Variants in GPR31 observed in about 807,000 individuals in gnomAD.
GPR31 encodes G protein-coupled receptor 31, also known as 12-(S)-hydroxy-5,8,10,14-eicosatetraenoic acid receptor.
For missense variants in GPR31, 394 were observed against 400.5 expected, an observed-to-expected ratio of 0.98 and a Z score of 0.14; for synonymous variants, 209 against 183.8, an observed-to-expected ratio of 1.14 and a Z score of -1.11.
In GPR31 at chr6:167,157,158, G is replaced by C. The variant is rs1222077405; in HGVS notation, c.674C>G (p.Thr225Ser). The change falls in exon 1 of 1, where the codon ACC (threonine) becomes AGC (serine). Residue 225 changes from threonine (T) to serine (S), a missense_variant. Thr to Ser is a moderately conservative substitution (Grantham distance 58, BLOSUM62 1). Transcript: ENST00000366834. Reference protein sequence around the residue: ...PKLQRAQALVTLVVVLFALCF... With the variant: ...PKLQRAQALVSLVVVLFALCF... Reference sequence around the variant, plus strand: ...CAGAGCAAACAGCACCACCACCAAGGTGACCAGTGCCTGGGCCCGCTGAAG... The same window carrying C: ...CAGAGCAAACAGCACCACCACCAAGCTGACCAGTGCCTGGGCCCGCTGAAG... The C allele has an allele frequency of 6.2e-7, 1 of 1,614,126 alleles. No individual in the cohort carries two copies. The highest frequency in any genetic ancestry group is 1.3e-5 in the African/African-American group (1 of 74,932).
chr6:167,156,687 CAG>C lies in GPR31; in HGVS notation c.*183_*184del. 1 of 602,898 alleles carries C rather than the reference CAG, an allele frequency of 1.7e-6. No homozygotes were observed. The highest frequency in any genetic ancestry group is 2.8e-6 in the Non-Finnish European group (1 of 361,876). The allele number at this position is 602,898 out of a possible 1,614,324, so 37.3% of individuals were successfully genotyped here. Reference sequence around the variant, plus strand: ...TTTGCCACTCTACAAGGTAAAATCACAGAGGACCACCCTGGTCAACAAAGTAT... The same window carrying C: ...TTTGCCACTCTACAAGGTAAAATCACAGGACCACCCTGGTCAACAAAGTAT... On this transcript the variant is annotated 3_prime_UTR_variant, in exon 1 of 1. Coordinates refer to ENST00000366834, the MANE Select transcript of GPR31 (RefSeq NM_005299.3). The surrounding 1 kb of genome is among the most constrained non-coding windows in gnomAD (Gnocchi z 4.5).
In GPR31 at chr6:167,156,969, G is replaced by A; in HGVS notation, c.863C>T (p.Thr288Ile). ...GACCCTCCGATAGGAGCTCCTGAAG[G>A]TGGGGCTGGAGAAGCAGTATACCAC... ...NPVVYCFSSP[T>I]FRSSYRRVFH... The change falls in exon 1 of 1, where the codon ACC (threonine) becomes ATC (isoleucine). Residue 288 changes from threonine (T) to isoleucine (I), a missense_variant. Thr to Ile is a moderately conservative substitution (Grantham distance 89). Coordinates refer to ENST00000366834, the MANE Select transcript of GPR31 (RefSeq NM_005299.3). The surrounding 1 kb of genome is among the most constrained non-coding windows in gnomAD (Gnocchi z 4.5). The A allele has an allele frequency of 6.2e-7, 1 of 1,614,188 alleles. No individual in the cohort carries two copies. Among genetic ancestry groups the A allele is most frequent in the Non-Finnish European group, 8.5e-7 (1 of 1,180,028 alleles).
chr6:167,157,442 C>T lies in GPR31; in HGVS notation c.390G>A (p.Ala130=), dbSNP rs746527629. The part of the protein sequence containing the change: ...RLKVNLLSPQ[A]ALGVSGLVWL... Reference sequence around the variant, plus strand: ...AGACGAGGCCCGAGACCCCCAGGGCCGCCTGAGGAGACAGCAGGTTGACCT... The same window carrying T: ...AGACGAGGCCCGAGACCCCCAGGGCTGCCTGAGGAGACAGCAGGTTGACCT... The change falls in exon 1 of 1, where the codon GCG becomes GCA. Residue 130 remains alanine (A), a synonymous_variant. Transcript: ENST00000366834. 23 of 1,613,388 alleles carry T rather than the reference C, an allele frequency of 1.4e-5. No homozygotes were observed. The East Asian group carries it at 1.6e-4, about 11-fold the overall frequency.
chr6:167,157,875 G>A lies in GPR31; in HGVS notation c.-44C>T. 6 of 1,548,174 alleles carry A rather than the reference G, an allele frequency of 3.9e-6. No homozygotes were observed. Among genetic ancestry groups the A allele is most frequent in the Non-Finnish European group, 5.2e-6 (6 of 1,147,992 alleles). On this transcript the variant is annotated 5_prime_UTR_variant, in exon 1 of 1. Transcript: ENST00000366834. Reference sequence around the variant, plus strand: ...TGCAGGCACAGCTGGAGCAGGTACAGGAGGAACTCTGTGCTCTTTCTTACA... The same window carrying A: ...TGCAGGCACAGCTGGAGCAGGTACAAGAGGAACTCTGTGCTCTTTCTTACA...
Position 167,156,119 on chromosome 6 carries a change from T to TC in GPR31, c.*752dup, listed in dbSNP as rs1457356756. 6.6e-6 allele frequency among the ~76,000 whole-genome samples: 1 copy of TC among 152,208 alleles called. No individual in the cohort carries two copies. Among genetic ancestry groups the TC allele is most frequent in the Non-Finnish European group, 1.5e-5 (1 of 68,038 alleles). On this transcript the variant is annotated 3_prime_UTR_variant, in exon 1 of 1. Coordinates refer to ENST00000366834, the MANE Select transcript of GPR31 (RefSeq NM_005299.3). This position sits in a 1 kb window ranked among gnomAD's most constrained non-coding sequence, Gnocchi z 4.5. ...GGCATAAAGTTCTGTGACCTTTTTT[T>TC]CACATCGGGGGAAGCAAAGTACATT... is the stretch of plus-strand genomic sequence containing the variant.
At position 167,156,651 on chromosome 6, in the gene GPR31, G is replaced by T; in HGVS notation, c.*221C>A. ...GTTGGGTAGGAGGAGGTTCTAGCTT[G>T]TTCATTTTGATTTGCCACTCTACAA... On this transcript the variant is annotated 3_prime_UTR_variant, in exon 1 of 1. Coordinates refer to ENST00000366834, the MANE Select transcript of GPR31 (RefSeq NM_005299.3). The surrounding 1 kb of genome is among the most constrained non-coding windows in gnomAD (Gnocchi z 4.5). 2 of 476,476 alleles carry T rather than the reference G, an allele frequency of 4.2e-6. No homozygotes were observed. Among genetic ancestry groups the T allele is most frequent in the Non-Finnish European group, 7.3e-6 (2 of 273,752 alleles). The allele number at this position is 476,476 out of a possible 1,614,324, so 29.5% of individuals were successfully genotyped here.
At position 167,156,764 on chromosome 6, in the gene GPR31, A is replaced by G; in HGVS notation, c.*108T>C. 1 of 1,211,336 alleles carries G rather than the reference A, an allele frequency of 8.3e-7. No individual in the cohort carries two copies. The highest frequency in any genetic ancestry group is 1.5e-5 in the South Asian group (1 of 67,414). 75.0% of individuals were successfully genotyped at this position (1,211,336 alleles called of 1,614,324 possible). On this transcript the variant is annotated 3_prime_UTR_variant, in exon 1 of 1. Coordinates refer to ENST00000366834, the MANE Select transcript of GPR31 (RefSeq NM_005299.3). The surrounding 1 kb of genome is among the most constrained non-coding windows in gnomAD (Gnocchi z 4.5). ...CCCATGTTTATGCTCTGATCCTTGT[A>G]TTGCAGTCTTAAGACTTCTTCTTCT...
At position 167,157,183 on chromosome 6, in the gene GPR31, G is replaced by T; in HGVS notation, c.649C>A (p.Leu217Ile). ...GTGACCAGTGCCTGGGCCCGCTGAA[G>T]CTTGGGCTGTTTCTCAGGCTCCCGG... ...RLREPEKQPK[L>I]QRAQALVTLV... Residue 217 changes from leucine (L) to isoleucine (I), a missense_variant, in exon 1 of 1, where the codon CTT (leucine) becomes ATT (isoleucine). Coordinates refer to ENST00000366834, the MANE Select transcript of GPR31 (RefSeq NM_005299.3). The T allele has an allele frequency of 6.2e-7, 1 of 1,614,244 alleles. No individual in the cohort carries two copies. The highest frequency in any genetic ancestry group is 8.5e-7 in the Non-Finnish European group (1 of 1,180,034).
At position 167,157,269 on chromosome 6, in the gene GPR31, A is replaced by G. The variant is rs1365080053; in HGVS notation, c.563T>C (p.Leu188Pro). Residue 188 changes from leucine to proline, a missense_variant, in exon 1 of 1, where the codon CTC becomes CCC. By Grantham distance (98) the Leu-to-Pro change is moderately conservative (BLOSUM62 -3). Coordinates refer to ENST00000366834, the MANE Select transcript of GPR31 (RefSeq NM_005299.3). ...QEALSCLQFVLPFGLIVFCNA... is the reference protein window; with the variant it reads ...QEALSCLQFVPPFGLIVFCNA... Reference sequence around the variant, plus strand: ...GCAGAACACGATGAGGCCAAAGGGGAGGACAAACTGAAGGCAGGAGAGTGC... The same window carrying G: ...GCAGAACACGATGAGGCCAAAGGGGGGGACAAACTGAAGGCAGGAGAGTGC... The G allele has an allele frequency of 5.0e-6, 8 of 1,614,038 alleles. No individual in the cohort carries two copies. The highest frequency in any genetic ancestry group is 6.8e-6 in the Non-Finnish European group (8 of 1,180,030).
Position 167,157,229 on chromosome 6 carries a change from G to C in GPR31, c.603C>G (p.Ile201Met). Reference sequence around the variant, plus strand: ...CCCGGAGTCTTTTCTGGAGAGCCCTGATGATGCCTGCATTGCAGAACACGA... The same window carrying C: ...CCCGGAGTCTTTTCTGGAGAGCCCTCATGATGCCTGCATTGCAGAACACGA... ...GLIVFCNAGIIRALQKRLREP... is the reference protein window; with the variant it reads ...GLIVFCNAGIMRALQKRLREP... Residue 201 changes from isoleucine (I) to methionine (M), a missense_variant, in exon 1 of 1, where the codon ATC becomes ATG. Coordinates refer to ENST00000366834, the MANE Select transcript of GPR31 (RefSeq NM_005299.3). The C allele has an allele frequency of 5.0e-6, 8 of 1,614,224 alleles. No individual in the cohort carries two copies. In the South Asian group the frequency reaches 8.8e-5, roughly 18 times the overall value.
rs372266197 is a variant in GPR31, at chr6:167,157,106, T to G, written c.726A>C (p.Arg242Ser). 1.3e-4 allele frequency: 204 copies of G among 1,614,060 alleles called. No homozygotes were observed. Among genetic ancestry groups the G allele is most frequent in the Non-Finnish European group, 1.7e-4 (202 of 1,180,032 alleles). ...ALCFLPCFLA[R>S]VLMHIFQNLG... The stretch of plus-strand genomic sequence containing the variant: ...GATTCTGGAAGATGTGCATCAGGAC[T>G]CTGGCCAGGAAGCAGGGCAGAAAGC... The change falls in exon 1 of 1, where the codon AGA (arginine) becomes AGC (serine). Residue 242 changes from arginine to serine, a missense_variant. Arg to Ser is a moderately radical substitution (Grantham distance 110). Coordinates refer to ENST00000366834, the MANE Select transcript of GPR31 (RefSeq NM_005299.3).
rs780751665 is a variant in GPR31, at chr6:167,157,444, C to T, written c.388G>A (p.Ala130Thr). The T allele has an allele frequency of 6.2e-7, 1 of 1,613,458 alleles. No individual in the cohort carries two copies. Among genetic ancestry groups the T allele is most frequent in the African/African-American group, 1.3e-5 (1 of 74,908 alleles). The change falls in exon 1 of 1, where the codon GCG (alanine) becomes ACG (threonine). Residue 130 changes from alanine to threonine, a missense_variant. Ala to Thr is a moderately conservative substitution (Grantham distance 58, BLOSUM62 0). Coordinates refer to ENST00000366834, the MANE Select transcript of GPR31 (RefSeq NM_005299.3). ...ACGAGGCCCGAGACCCCCAGGGCCG[C>T]CTGAGGAGACAGCAGGTTGACCTTA... is the stretch of plus-strand genomic sequence containing the variant. The part of the protein sequence containing the change: ...RLKVNLLSPQ[A>T]ALGVSGLVWL...
Position 167,157,661 on chromosome 6 carries a change from G to A in GPR31, c.171C>T (p.Ala57=). The change falls in exon 1 of 1, where the codon GCC becomes GCT. Residue 57 remains alanine, a synonymous_variant. Transcript: ENST00000366834. ...ACGCAGCCAACAGCAGGTCAGCCAG[G>A]GCCAGGTTGAGCAGGTAGACAGCGT... ...KPYAVYLLNL[A]LADLLLAACL... 1 of 1,613,880 alleles carries A rather than the reference G, an allele frequency of 6.2e-7. No homozygotes were observed. Among genetic ancestry groups the A allele is most frequent in the East Asian group, 2.2e-5 (1 of 44,886 alleles).
At position 167,157,545 on chromosome 6, in the gene GPR31, A is replaced by G. The variant is rs762700388; in HGVS notation, c.287T>C (p.Leu96Pro). 1.8e-5 allele frequency: 29 copies of G among 1,610,278 alleles called. 1 individual carries two copies. The highest frequency in any genetic ancestry group is 1.8e-4 in the South Asian group (16 of 90,914). Residue 96 changes from leucine to proline, a missense_variant, in exon 1 of 1, where the codon CTC becomes CCC. Leu to Pro is a moderately conservative substitution (Grantham distance 98). Transcript: ENST00000366834. ...GAAGGCCATCCCCACGCTGCGGCTG[A>G]GGTCCAGCAGGAAGTGCAGGGCCCA... The part of the protein sequence containing the change: ...GCWALHFLLD[L>P]SRSVGMAFLA...
chr6:167,156,249 T>C lies in GPR31; in HGVS notation c.*623A>G, dbSNP rs570069115. ...ACAGTAAACTAGGGAACTCACTACATTTTCCTTAACATAATGTATAATCTA... is the reference window on the plus strand; with the variant it reads ...ACAGTAAACTAGGGAACTCACTACACTTTCCTTAACATAATGTATAATCTA... On this transcript the variant is annotated 3_prime_UTR_variant, in exon 1 of 1. Coordinates refer to ENST00000366834, the MANE Select transcript of GPR31 (RefSeq NM_005299.3). This position sits in a 1 kb window ranked among gnomAD's most constrained non-coding sequence, Gnocchi z 4.5. The C allele has an allele frequency of 6.6e-6, 1 of 152,326 alleles. No individual in the cohort carries two copies. Among genetic ancestry groups the C allele is most frequent in the African/African-American group, 2.4e-5 (1 of 41,584 alleles). The allele number at this position is 152,326 out of a possible 1,614,324, so 9.4% of individuals were successfully genotyped here.
rs959702320 is a variant in GPR31, at chr6:167,155,764, C to T, written c.*1108G>A. On this transcript the variant is annotated 3_prime_UTR_variant, in exon 1 of 1. Transcript: ENST00000366834. ...AGGCAGGCCTCCCGCCTCCTCTGGG[C>T]ATGGTGGTGACTGCTTTTTGGCCCT... 3.9e-5 allele frequency among the ~76,000 whole-genome samples: 6 copies of T among 152,232 alleles called. No homozygotes were observed. The highest frequency in any genetic ancestry group is 3.9e-4 in the Admixed American group (6 of 15,286).
Position 167,157,741 on chromosome 6 carries a change from C to G in GPR31, c.91G>C (p.Gly31Arg), listed in dbSNP as rs756269589. The change falls in exon 1 of 1, where the codon GGC becomes CGC. Residue 31 changes from glycine (G) to arginine (R), a missense_variant. Physicochemically the swap from Gly to Arg is moderately radical, Grantham distance 125 (BLOSUM62 -2). Coordinates refer to ENST00000366834, the MANE Select transcript of GPR31 (RefSeq NM_005299.3). ...AAGGTCCACAGCGCCACCGCGTTGC[C>G]CAGCAGACCCAGCCCACACTCCAGC... ...LGLECGLGLL[G>R]NAVALWTFLF... is the part of the protein sequence containing the mutation. 6.2e-7 allele frequency: 1 copy of G among 1,613,578 alleles called. No individual in the cohort carries two copies. Among genetic ancestry groups the G allele is most frequent in the South Asian group, 1.1e-5 (1 of 91,086 alleles).
rs1292070135 is a variant in GPR31, at chr6:167,155,901, G to A, written c.*971C>T. Among the ~76,000 whole-genome samples, 1 of 152,232 alleles carries A rather than the reference G, an allele frequency of 6.6e-6. No individual in the cohort carries two copies. The highest frequency in any genetic ancestry group is 1.5e-5 in the Non-Finnish European group (1 of 68,038). The stretch of plus-strand genomic sequence containing the variant: ...TCAGTTTTGGAATACAATTTACAAG[G>A]AATGAGATGAAAAGATGGCAGCTGT... On this transcript the variant is annotated 3_prime_UTR_variant, in exon 1 of 1. Coordinates refer to ENST00000366834, the MANE Select transcript of GPR31 (RefSeq NM_005299.3).
At position 167,155,869 on chromosome 6, in the gene GPR31, G is replaced by A. The variant is rs968846322; in HGVS notation, c.*1003C>T. Among the ~76,000 whole-genome samples, 1 of 152,196 alleles carries A rather than the reference G, an allele frequency of 6.6e-6. No individual in the cohort carries two copies. The highest frequency in any genetic ancestry group is 2.4e-5 in the African/African-American group (1 of 41,454). On this transcript the variant is annotated 3_prime_UTR_variant, in exon 1 of 1. Transcript: ENST00000366834. ...ACTTTGAAAATCTTTTATCATCATC[G>A]TGAGACTCAGTTTTGGAATACAATT...
Sources: allele counts gnomAD v4.1 joint callset (sites outside exome capture counted in the v4.1 genomes callset), GRCh38; gene constraint gnomAD v4.1.1; non-coding constraint Gnocchi (gnomAD v3.1); transcripts MANE v1.5; gene names NCBI Gene and HGNC (gene_info 2026-07-23, HGNC 2026-07-21).